Variants in INPP4B observed in about 807,000 individuals in gnomAD.
INPP4B encodes the protein inositol polyphosphate-4-phosphatase type II B.
In INPP4B, 55 loss-of-function variants were observed where a neutral mutation model predicts 122.5. The ratio of observed to expected loss-of-function variants is 0.45; its 90% CI spans 0.36 to 0.56. The LOEUF is 0.56. INPP4B is among the 20% of genes least tolerant of loss of function. The pLI is 0.00. For missense variants in INPP4B, 1,000 were observed against 1,097.7 expected, an observed-to-expected ratio of 0.91 and a Z score of 1.26; for synonymous variants, 403 against 388.7, an observed-to-expected ratio of 1.04 and a Z score of -0.43.
intron 23 of INPP4B, among the ~76,000 whole-genome samples, chr4:142,086,998 A>G (rs371505662): frequency 5.0e-4 from 76 of 152,346 alleles, no homozygotes; most frequent in African/African-American, 1.6e-3. Context: ...CAAATAAGAC[A>G]CATGAAATCA....
chr4:142,826,201 T>C (rs1444949), intron 1 of INPP4B, among the ~76,000 whole-genome samples: 40,976 of 151,932 alleles, frequency 0.27, 5,726 homozygotes, highest in South Asian at 0.35. Context: ...GAACATGATG[T>C]ATCTTTTCCC....
chr4:142,769,262 T>C (rs1772643092), intron 1 of INPP4B, among the ~76,000 whole-genome samples: 1 of 152,114 alleles, frequency 6.6e-6, no homozygotes, highest in South Asian at 2.1e-4. Flanking sequence ...GTCTACCTAG[T>C]GCATGCTCTC....
chr4:142,432,848 A>G (rs1809628789), intron 3 of INPP4B, among the ~76,000 whole-genome samples: 1 of 152,150 alleles, frequency 6.6e-6, no homozygotes, highest in Non-Finnish European at 1.5e-5. Context: ...ATCCTAGCAA[A>G]ATAACACCTC....
At chr4:142,561,613 G>C (rs914885787) in intron 2 of INPP4B, among the ~76,000 whole-genome samples, 1 of 152,150 alleles carries the variant, frequency 6.6e-6, no homozygotes, top group South Asian at 2.1e-4. Context: ...TAGAGACGGG[G>C]TTTCACCATA....
intron 2 of INPP4B, among the ~76,000 whole-genome samples, chr4:142,634,592 A>C (rs948298500): frequency 6.6e-6 from 1 of 152,284 alleles, no homozygotes; most frequent in East Asian, 1.9e-4. Context: ...TCATATAACT[A>C]TCTCCATATA....
chr4:142,743,232 G>A (rs1472830642), intron 1 of INPP4B, among the ~76,000 whole-genome samples: 2 of 152,072 alleles, frequency 1.3e-5, no homozygotes, highest in South Asian at 4.1e-4. Context: ...AATAGTCCCA[G>A]TTATCTCCTT....
intron 5 of INPP4B, among the ~76,000 whole-genome samples, chr4:142,410,824 T>G (rs2149241813): frequency 6.6e-6 from 1 of 152,330 alleles, no homozygotes; most frequent in South Asian, 2.1e-4. Context: ...TAATATATAG[T>G]TATACTGTGC....
chr4:142,267,174 C>T (rs1579524934), intron 10 of INPP4B, among the ~76,000 whole-genome samples: 2 of 152,210 alleles, frequency 1.3e-5, no homozygotes, highest in African/African-American at 4.8e-5. Flanking sequence ...ATCAAAATTC[C>T]AATGTCATTT....
chr4:142,561,403 T>C (rs1730439445), intron 2 of INPP4B, among the ~76,000 whole-genome samples: 1 of 137,816 alleles, frequency 7.3e-6, no homozygotes. Context: ...TTAAAGTTTC[T>C]TTGTTTTTTT....
At chr4:142,253,526 G>T (rs1430497104) in intron 11 of INPP4B, among the ~76,000 whole-genome samples, 1 of 152,202 alleles carries the variant, frequency 6.6e-6, no homozygotes, top group African/African-American at 2.4e-5. Context: ...GCAGGGCGAG[G>T]CATTGCCTCA....
chr4:142,647,810 G>C (rs1752112994), intron 2 of INPP4B, among the ~76,000 whole-genome samples: 2 of 152,230 alleles, frequency 1.3e-5, no homozygotes, highest in African/African-American at 2.4e-5. Flanking sequence ...TAAGAATCAA[G>C]TAAGACTGCA....
At chr4:142,740,227 T>C (rs1475031150) in intron 1 of INPP4B, among the ~76,000 whole-genome samples, 4 of 151,876 alleles carry the variant, frequency 2.6e-5, no homozygotes, top group Non-Finnish European at 5.9e-5. Context: ...AAAATCTAAA[T>C]TCAAAAAATA....
intron 23 of INPP4B, among the ~76,000 whole-genome samples, chr4:142,098,789 C>G (rs1783196680): frequency 6.6e-6 from 1 of 151,942 alleles, no homozygotes; most frequent in Non-Finnish European, 1.5e-5. Flanking sequence ...AAGCAGGATA[C>G]AAGAGTTTAA....
intron 3 of INPP4B, among the ~76,000 whole-genome samples, chr4:142,457,849 G>A (rs1815805883): frequency 1.3e-5 from 2 of 152,040 alleles, no homozygotes; most frequent in South Asian, 4.2e-4. Flanking sequence ...TCCCACCTTG[G>A]CCTCCCAAAG....
chr4:142,375,914 T>C (rs1306930966), intron 7 of INPP4B, among the ~76,000 whole-genome samples: 1 of 151,992 alleles, frequency 6.6e-6, no homozygotes, highest in African/African-American at 2.4e-5. Flanking sequence ...CCTAATTATT[T>C]AAGCTACTAT....
chr4:142,594,144 G>A (rs1738157206), intron 2 of INPP4B, among the ~76,000 whole-genome samples: 1 of 152,130 alleles, frequency 6.6e-6, no homozygotes, highest in African/African-American at 2.4e-5. Context: ...TTTAACTCAA[G>A]CATTGTAAAC....
At chr4:142,257,559 TA>T in intron 11 of INPP4B, among the ~76,000 whole-genome samples, 1 of 151,996 alleles carries the variant, frequency 6.6e-6, no homozygotes, top group East Asian at 1.9e-4. Flanking sequence ...TATACACCAA[TA>T]ACAGACAAAC....
At chr4:142,091,792 C>T (rs962618007) in intron 23 of INPP4B, among the ~76,000 whole-genome samples, 13 of 152,278 alleles carry the variant, frequency 8.5e-5, no homozygotes, top group Admixed American at 2.6e-4. Context: ...GGAATGGAAC[C>T]GTGGCCTTTT....
At chr4:142,087,808 A>T (rs926537069) in intron 23 of INPP4B, among the ~76,000 whole-genome samples, 5 of 152,206 alleles carry the variant, frequency 3.3e-5, no homozygotes, top group African/African-American at 4.8e-5. Context: ...GAGAGGAAGT[A>T]TCCCAGTGAA....
Sources: allele counts gnomAD v4.1 joint callset (sites outside exome capture counted in the v4.1 genomes callset), GRCh38; gene constraint gnomAD v4.1.1; transcripts MANE v1.5; gene names NCBI Gene and HGNC (gene_info 2026-07-23, HGNC 2026-07-21).